GNAI1: variants seen among roughly 807,000 people sequenced by gnomAD.
GNAI1 encodes G protein subunit alpha i1, also known as guanine nucleotide-binding protein G(i) subunit alpha-1.
Under a neutral mutation model 38.9 loss-of-function variants are expected in GNAI1, and 11 were observed. The ratio of observed to expected loss-of-function variants is 0.28; its 90% CI spans 0.18 to 0.47. The LOEUF is 0.47. Ranked by LOEUF, GNAI1 falls within the 20% of genes least tolerant of loss-of-function variation. The pLI, the probability that GNAI1 is intolerant of heterozygous loss-of-function variation, is 0.99. For missense variants in GNAI1, 317 were observed against 436.9 expected (o/e 0.73, Z 2.45); for synonymous variants, 166 against 145.1 (o/e 1.14, Z -1.04).
Position 80,219,078 on chromosome 7 carries a change from A to G in GNAI1, c.*1585A>G, listed in dbSNP as rs1324008989. Reference sequence around the variant, plus strand: ...GTGTGTGTAACCATAAACTATATTCATATCTGTTTCATTTGGAGGATTTTC... The same window carrying G: ...GTGTGTGTAACCATAAACTATATTCGTATCTGTTTCATTTGGAGGATTTTC... On this transcript the variant is annotated 3_prime_UTR_variant, in exon 8 of 8. Coordinates refer to ENST00000649796, the MANE Select transcript of GNAI1 (RefSeq NM_002069.6). 4 of 149,678 alleles carry G rather than the reference A, an allele frequency of 2.7e-5. No individual in the cohort carries two copies. Among genetic ancestry groups the G allele is most frequent in the Non-Finnish European group, 4.5e-5 (3 of 67,360 alleles). 9.3% of individuals were successfully genotyped at this position (149,678 alleles called of 1,614,324 possible).
intron 4 of GNAI1, 89 bp from the exon 5 acceptor site, chr7:80,203,615 T>G: frequency 1.3e-6 from 1 of 742,214 alleles, no homozygotes; most frequent in Non-Finnish European, 2.3e-6. Context: ...GATTATCGCT[T>G]GTATTGAAAT....
intron 1 of GNAI1, among the ~76,000 whole-genome samples, chr7:80,176,069 T>G (rs1788177564): frequency 6.6e-6 from 1 of 152,208 alleles, no homozygotes; most frequent in Non-Finnish European, 1.5e-5. Context: ...GCACCAAACA[T>G]TTAGCCAAGT....
intron 1 of GNAI1, among the ~76,000 whole-genome samples, chr7:80,162,362 A>G (rs188439027): frequency 3.9e-5 from 6 of 152,300 alleles, no homozygotes; most frequent in African/African-American, 9.6e-5. Context: ...TCTTTAAGGC[A>G]TTTTATGAAA....
intron 1 of GNAI1, among the ~76,000 whole-genome samples, chr7:80,185,515 T>G (rs1176173785): frequency 6.6e-6 from 1 of 152,274 alleles, no homozygotes; most frequent in East Asian, 1.9e-4. Flanking sequence ...TACCCTGCAT[T>G]CGTTGACCGT....
Position 80,217,438 on chromosome 7 carries a change from A to G in GNAI1, c.1010A>G (p.Asp337Gly). The G allele has an allele frequency of 6.2e-7, 1 of 1,610,622 alleles. No individual in the cohort carries two copies. Among genetic ancestry groups the G allele is most frequent in the Non-Finnish European group, 8.5e-7 (1 of 1,178,158 alleles). The change falls in exon 8 of 8, where the codon GAT becomes GGT. Residue 337 changes from aspartate (D) to glycine (G), a missense_variant. By Grantham distance (94) the Asp-to-Gly change is moderately conservative (BLOSUM62 -1). Coordinates refer to ENST00000649796, the MANE Select transcript of GNAI1 (RefSeq NM_002069.6). ...TDTKNVQFVFDAVTDVIIKNN... is the reference protein window; with the variant it reads ...TDTKNVQFVFGAVTDVIIKNN... Reference sequence around the variant, plus strand: ...ACTAAGAATGTGCAGTTTGTTTTTGATGCTGTAACAGATGTCATCATAAAA... The same window carrying G: ...ACTAAGAATGTGCAGTTTGTTTTTGGTGCTGTAACAGATGTCATCATAAAA...
At chr7:80,151,776 A>G (rs1302260100) in intron 1 of GNAI1, among the ~76,000 whole-genome samples, 2 of 152,198 alleles carry the variant, frequency 1.3e-5, no homozygotes, top group Admixed American at 1.3e-4. Flanking sequence ...GACTGTGTCA[A>G]AGGTTGTGTG....
chr7:80,179,178 TTAA>T (rs1428994164), intron 1 of GNAI1, among the ~76,000 whole-genome samples: 5 of 152,232 alleles, frequency 3.3e-5, no homozygotes, highest in Non-Finnish European at 4.4e-5. Flanking sequence ...AGTTAGCAAC[TTAA>T]TGACTGTGTT....
chr7:80,198,464 AAATATG>A (rs755482483), intron 3 of GNAI1, among the ~76,000 whole-genome samples: 14 of 152,146 alleles, frequency 9.2e-5, no homozygotes, highest in Non-Finnish European at 1.9e-4. Context: ...CAGAATAACC[AAATATG>A]AGTAGCCTCA....
intron 1 of GNAI1, among the ~76,000 whole-genome samples, chr7:80,137,522 G>A (rs1441952410): frequency 6.6e-6 from 1 of 151,734 alleles, no homozygotes; most frequent in Non-Finnish European, 1.5e-5. Flanking sequence ...GTTTCACCAT[G>A]TTGGCCACGC....
Position 80,222,352 on chromosome 7 carries a change from G to T in GNAI1, c.*4859G>T. On this transcript the variant is annotated 3_prime_UTR_variant, in exon 8 of 8. Coordinates refer to ENST00000649796, the MANE Select transcript of GNAI1 (RefSeq NM_002069.6). ...CATCCGTAAAGTGGATGGAAACACT[G>T]TCATTGAAGGAGCTAGTTCTTCAAA... is the stretch of plus-strand genomic sequence containing the variant. Among the ~76,000 whole-genome samples the T allele has an allele frequency of 6.7e-6, 1 of 149,762 alleles. No individual in the cohort carries two copies. The highest frequency in any genetic ancestry group is 2.5e-5 in the African/African-American group (1 of 40,654).
rs147325873 is a variant in GNAI1, at chr7:80,180,513, T to G, written c.119-8438T>G. Among the ~76,000 whole-genome samples, 210 of 152,300 alleles carry G rather than the reference T, an allele frequency of 1.4e-3. No homozygotes were observed. In the East Asian group the frequency reaches 0.031, roughly 23 times the overall value. On this transcript the variant is annotated intron_variant, in intron 1 of 7. Coordinates refer to ENST00000649796, the MANE Select transcript of GNAI1 (RefSeq NM_002069.6). ...TTTTCTACCTAAAATTCTGTAGCTT[T>G]CTTTTGTGCAGCATGCAGTGTTTAT... is the stretch of plus-strand genomic sequence containing the variant.
intron 3 of GNAI1, among the ~76,000 whole-genome samples, chr7:80,195,141 A>G (rs1312640255): frequency 1.3e-5 from 2 of 151,864 alleles, no homozygotes; most frequent in Non-Finnish European, 2.9e-5. Context: ...CTTAAATGTC[A>G]ATATTTCTCC....
chr7:80,168,297 C>G (rs896335530), intron 1 of GNAI1, among the ~76,000 whole-genome samples: 1 of 152,166 alleles, frequency 6.6e-6, no homozygotes, highest in Admixed American at 6.5e-5. Flanking sequence ...CAAGCCCCCC[C>G]ATGCATACAA....
At chr7:80,160,159 CA>C (rs139818706) in intron 1 of GNAI1, among the ~76,000 whole-genome samples, 2,918 of 151,756 alleles carry the variant, frequency 0.019, 79 homozygotes, top group African/African-American at 0.066. Context: ...AAGTGACTTG[CA>C]TACTCTAGGT....
At chr7:80,169,197 C>G (rs138477917) in intron 1 of GNAI1, among the ~76,000 whole-genome samples, 3 of 152,142 alleles carry the variant, frequency 2.0e-5, no homozygotes, top group Non-Finnish European at 4.4e-5. Context: ...GTAGTCTACA[C>G]GTGGCTTTTG....
intron 1 of GNAI1, among the ~76,000 whole-genome samples, chr7:80,160,369 A>T (rs1253987905): frequency 6.6e-6 from 1 of 152,080 alleles, no homozygotes; most frequent in Non-Finnish European, 1.5e-5. Context: ...GTTTGTGTTT[A>T]AAAAATTCAT....
intron 1 of GNAI1, among the ~76,000 whole-genome samples, chr7:80,173,097 C>T (rs998892593): frequency 2.6e-5 from 4 of 152,090 alleles, no homozygotes; most frequent in Admixed American, 2.6e-4. Flanking sequence ...GGTACTGGTA[C>T]CACTTCTGGA....
intron 1 of GNAI1, among the ~76,000 whole-genome samples, chr7:80,153,117 G>A (rs56213139): frequency 0.065 from 9,830 of 152,060 alleles, 1,076 homozygotes; most frequent in African/African-American, 0.22. Context: ...ATGATAATGT[G>A]TCACAATGTA....
intron 1 of GNAI1, among the ~76,000 whole-genome samples, chr7:80,150,043 C>T (rs1017390001): frequency 1.8e-4 from 28 of 152,116 alleles, no homozygotes; most frequent in South Asian, 2.1e-4. Context: ...CCATCAGAAC[C>T]GGACAATACC....
Sources: gnomAD v4.1 joint callset for allele counts (sites outside exome capture counted in the v4.1 genomes callset) on GRCh38, gnomAD v4.1.1 for gene constraint, MANE v1.5 for transcripts, NCBI Gene and HGNC (gene_info 2026-07-23, HGNC 2026-07-21) for gene names.